The following OSBPL1A variants were observed in gnomAD, a reference collection of about 807,000 sequenced individuals.
OSBPL1A encodes the protein oxysterol-binding protein-related protein 1.
OSBPL1A carries 80 observed loss-of-function variants against 137.1 expected under a neutral mutation model. The ratio of observed to expected loss-of-function variants is 0.58; its 90% confidence interval spans 0.49 to 0.70. The LOEUF (loss-of-function observed/expected upper bound fraction) is 0.70. Ranked by LOEUF, OSBPL1A falls within the 30% of genes least tolerant of loss-of-function variation. OSBPL1A has a pLI of 0.00. For synonymous variants in OSBPL1A, 365 were observed against 389.7 expected (o/e 0.94, Z 0.75); for missense variants, 970 against 1,129.4 (o/e 0.86, Z 2.02).
intron 7 of OSBPL1A, among the ~76,000 whole-genome samples, chr18:24,321,951 T>C (rs7239622): frequency 0.55 from 83,232 of 151,672 alleles, 23,799 homozygotes; most frequent in African/African-American, 0.63. Context: ...ACTCTGGCTG[T>C]TGTGTGCAAT....
chr18:24,347,927 G>C (rs1421309143), intron 4 of OSBPL1A: 1 of 147,574 alleles, frequency 6.8e-6, no homozygotes, highest in Non-Finnish European at 1.5e-5. Context: ...TTTAAATAAT[G>C]AGTCGTACAA....
chr18:24,224,940 C>T, intron 17 of OSBPL1A, 102 bp downstream of exon 17: 1 of 1,469,184 alleles, frequency 6.8e-7, no homozygotes, highest in Non-Finnish European at 9.3e-7. Flanking sequence ...ATATAAATCC[C>T]CTACACGGGG....
intron 1 of OSBPL1A, among the ~76,000 whole-genome samples, chr18:24,395,135 G>A (rs1907647963): frequency 6.6e-6 from 1 of 152,188 alleles, no homozygotes; most frequent in Admixed American, 6.5e-5. Context: ...GCTGGTGACT[G>A]CAGTGCTAAA....
intron 14 of OSBPL1A, among the ~76,000 whole-genome samples, chr18:24,292,792 G>A (rs1419515743): frequency 6.6e-6 from 1 of 152,094 alleles, no homozygotes; most frequent in Non-Finnish European, 1.5e-5. Flanking sequence ...GGTCTCAGCA[G>A]GGAAGAGCTG....
chr18:24,218,462 G>T (rs1428869597), intron 17 of OSBPL1A: 2 of 151,466 alleles, frequency 1.3e-5, no homozygotes, highest in Non-Finnish European at 2.9e-5. Context: ...TGTTTTTTTT[G>T]AGATGGAGTC....
rs1220138289 is a variant in OSBPL1A at position 24,178,866 on chromosome 18, G to A, written c.1911-671C>T. Among the ~76,000 whole-genome samples the A allele has an allele frequency of 2.0e-5, 3 of 151,972 alleles. 1 individual carries two copies. Among genetic ancestry groups the A allele is most frequent in the South Asian group, 4.2e-4 (2 of 4,816 alleles). The stretch of plus-strand genomic sequence containing the variant: ...AACTTGTGCAGAGAAGAGGAGGAAC[G>A]CATAGAAAAACTAAAGCCAAATAAA... On this transcript the variant is annotated intron_variant, in intron 20 of 27. Transcript: ENST00000319481.
intron 7 of OSBPL1A, among the ~76,000 whole-genome samples, chr18:24,326,952 C>T (rs992905552): frequency 2.0e-5 from 3 of 152,012 alleles, no homozygotes; most frequent in African/African-American, 7.2e-5. Context: ...ATTAGTTCTA[C>T]AATTTTTAAA....
rs144343651 is a variant in OSBPL1A, at chr18:24,389,761, C to T, written c.-3+7894G>A. Among the ~76,000 whole-genome samples, 58 of 152,004 alleles carry T rather than the reference C, an allele frequency of 3.8e-4. 1 individual carries two copies. The East Asian group carries it at 9.5e-3, about 25-fold the overall frequency. ...TTTGAGACCACCCTGGCCAACATAG[C>T]GAAACCCCATCTTTACTAAAAAATA... On this transcript the variant is annotated intron_variant, in intron 1 of 27. Transcript: ENST00000319481.
At chr18:24,352,856 T>C (rs1208321907) in intron 4 of OSBPL1A, among the ~76,000 whole-genome samples, 1 of 152,150 alleles carries the variant, frequency 6.6e-6, no homozygotes, top group African/African-American at 2.4e-5. Flanking sequence ...GAAAACTGGC[T>C]AGCCATATGT....
At chr18:24,392,221 C>T (rs1308426277) in intron 1 of OSBPL1A, among the ~76,000 whole-genome samples, 1 of 151,926 alleles carries the variant, frequency 6.6e-6, no homozygotes, top group Non-Finnish European at 1.5e-5. Flanking sequence ...AGTGCAATGG[C>T]GCCATCTCGG....
At chr18:24,192,248 C>T (rs750582383) in intron 18 of OSBPL1A, among the ~76,000 whole-genome samples, 20 of 152,124 alleles carry the variant, frequency 1.3e-4, no homozygotes, top group Non-Finnish European at 2.2e-4. Flanking sequence ...TGGCTGAGCC[C>T]TGCTGAGAAA....
At chr18:24,192,434 T>C (rs2086911417) in intron 18 of OSBPL1A, among the ~76,000 whole-genome samples, 1 of 152,188 alleles carries the variant, frequency 6.6e-6, no homozygotes. Flanking sequence ...CGGAGATTTG[T>C]TTGTTTGGTA....
intron 2 of OSBPL1A, among the ~76,000 whole-genome samples, chr18:24,374,650 C>T (rs1449380546): frequency 4.6e-5 from 7 of 152,310 alleles, no homozygotes; most frequent in African/African-American, 1.7e-4. Context: ...ACATGCCACT[C>T]TCCCAAGAAG....
chr18:24,283,956 A>G (rs56371876), intron 14 of OSBPL1A, among the ~76,000 whole-genome samples: 53,723 of 151,714 alleles, frequency 0.35, 10,745 homozygotes, highest in Middle Eastern at 0.49. Context: ...ATATATATAT[A>G]TGTGTGTGTA....
chr18:24,170,563 C>G (rs1420561125), intron 23 of OSBPL1A, 110 bp from the exon 24 acceptor site: 1 of 1,205,412 alleles, frequency 8.3e-7, no homozygotes, highest in South Asian at 1.3e-5. Flanking sequence ...CCAGGCCTGA[C>G]CCTGCTTAGC....
intron 15 of OSBPL1A, among the ~76,000 whole-genome samples, chr18:24,250,333 C>T (rs541095945): frequency 2.0e-4 from 30 of 152,252 alleles, no homozygotes; most frequent in Admixed American, 3.9e-4. Flanking sequence ...CACGCTACCA[C>T]GCCCAGCTAG....
intron 4 of OSBPL1A, among the ~76,000 whole-genome samples, chr18:24,350,441 ATC>A: frequency 6.6e-6 from 1 of 152,250 alleles, no homozygotes; most frequent in South Asian, 2.1e-4. Flanking sequence ...GTATTAGGTT[ATC>A]TGTCATTCTT....
chr18:24,386,820 G>T (rs1906987651), intron 1 of OSBPL1A, among the ~76,000 whole-genome samples: 1 of 152,010 alleles, frequency 6.6e-6, no homozygotes, highest in Admixed American at 6.6e-5. Context: ...TTAGCTGGGC[G>T]TGGTGGCATG....
intron 18 of OSBPL1A, among the ~76,000 whole-genome samples, chr18:24,190,746 C>T (rs369182166): frequency 1.2e-4 from 18 of 152,340 alleles, no homozygotes; most frequent in South Asian, 2.1e-4. Flanking sequence ...TATCTAGCTC[C>T]GCATCTATCT....
Sources: allele counts gnomAD v4.1 joint callset (sites outside exome capture counted in the v4.1 genomes callset), GRCh38; gene constraint gnomAD v4.1.1; transcripts MANE v1.5; gene names NCBI Gene and HGNC (gene_info 2026-07-23, HGNC 2026-07-21).